FAN1: variants seen among roughly 807,000 people sequenced by gnomAD.
FAN1 encodes the protein fanconi-associated nuclease 1.
A neutral mutation model predicts 104.9 loss-of-function variants in FAN1; 91 were observed. The observed-to-expected ratio is 0.87, with a 90% CI of 0.73 to 1.03. The LOEUF is 1.03. Ranked by LOEUF, FAN1 falls within the 50% of genes least tolerant of loss-of-function variation. The pLI is 0.00. For missense variants in FAN1, 1,263 were observed against 1,239.9 expected (o/e 1.02, Z -0.28); for synonymous variants, 478 against 457.6 (o/e 1.04, Z -0.57).
rs80180524 is a variant in FAN1 at position 30,906,765 on chromosome 15, C to T, written c.1234+868C>T. Among the ~76,000 whole-genome samples, 775 of 152,288 alleles carry T rather than the reference C, an allele frequency of 5.1e-3. 6 individuals carry two copies. Among genetic ancestry groups the T allele is most frequent in the African/African-American group, 0.018 (735 of 41,552 alleles). ...CTTGGGTTACTTTTTAACATGTGAG[C>T]GATACTTCTCTGGGCACAGCTGTGT... On this transcript the variant is annotated intron_variant, in intron 2 of 14. Coordinates refer to ENST00000362065, the MANE Select transcript of FAN1 (RefSeq NM_014967.5).
At position 30,908,208 on chromosome 15, in the gene FAN1, A is replaced by T. The variant is rs75820658; in HGVS notation, c.1325A>T (p.Asp442Val). 3.7e-6 allele frequency: 6 copies of T among 1,610,760 alleles called. No homozygotes were observed. Among genetic ancestry groups the T allele is most frequent in the East Asian group, 4.5e-5 (2 of 44,806 alleles). ...TKLEYEEIAL[D>V]LTPVIEELTN... is the part of the protein sequence containing the mutation. ...TTAGAGTATGAAGAGATTGCCTTAG[A>T]CTTAACACCTGTGATTGAAGAATTG... is the stretch of plus-strand genomic sequence containing the variant. The change falls in exon 3 of 15, where the codon GAC (aspartate) becomes GTC (valine). Residue 442 changes from aspartate (D) to valine (V), a missense_variant. By Grantham distance (152) the Asp-to-Val change is radical. This residue lies in a region of FAN1 where 682 missense variants were observed against 571.1 expected (regional missense o/e 1.19). Transcript: ENST00000362065.
At chr15:30,940,687 A>G (rs1207458693) in intron 14 of FAN1, 2 of 987,546 alleles carry the variant, frequency 2.0e-6, no homozygotes, top group African/African-American at 1.7e-5. Context: ...TCAGAGGAAC[A>G]AGACTCTGGG....
At chr15:30,911,080 C>A in intron 4 of FAN1, 1 of 1,200,552 alleles carries the variant, frequency 8.3e-7, no homozygotes, top group Non-Finnish European at 1.0e-6. Context: ...TTTTATTTTC[C>A]GAGAAAAATA....
chr15:30,929,844 A>ATC (rs1491241782), intron 12 of FAN1, among the ~76,000 whole-genome samples: 1 of 79,530 alleles, frequency 1.3e-5, no homozygotes, highest in East Asian at 3.1e-4. Context: ...TATAATATAT[A>ATC]AAATATATAT....
intron 6 of FAN1, among the ~76,000 whole-genome samples, chr15:30,918,630 C>T (rs1301171917): frequency 6.6e-6 from 1 of 152,024 alleles, no homozygotes; most frequent in Non-Finnish European, 1.5e-5. Context: ...AGCAGCAGGA[C>T]GGATGTGGGA....
At position 30,942,458 on chromosome 15, in the gene FAN1, T is replaced by C. The variant is rs1316176434; in HGVS notation, c.*896T>C. 2 of 271,166 alleles carry C rather than the reference T, an allele frequency of 7.4e-6. No individual in the cohort carries two copies. Among genetic ancestry groups the C allele is most frequent in the African/African-American group, 2.2e-5 (1 of 45,204 alleles). The allele number at this position is 271,166 out of a possible 1,614,324, so 16.8% of individuals were successfully genotyped here. A position where few individuals can be genotyped will look rare whatever the true frequency, so the allele number is the denominator to read the frequency against. ...TGATTCTTTGTTCTGTACCTTTCAG[T>C]AGTCTGCAAATTTTCTACCAAAAAA... On this transcript the variant is annotated 3_prime_UTR_variant, in exon 15 of 15. Transcript: ENST00000362065.
At chr15:30,935,757 T>C (rs2062834979) in intron 13 of FAN1, among the ~76,000 whole-genome samples, 1 of 152,170 alleles carries the variant, frequency 6.6e-6, no homozygotes, top group South Asian at 2.1e-4. Context: ...GCAATGAATT[T>C]TATGTTGACA....
Position 30,927,911 on chromosome 15 carries a change from T to C in FAN1, c.2489-642T>C, listed in dbSNP as rs2062505925. On this transcript the variant is annotated intron_variant, in intron 10 of 14. Coordinates refer to ENST00000362065, the MANE Select transcript of FAN1 (RefSeq NM_014967.5). Reference sequence around the variant, plus strand: ...CACCTGACTTCTGTCTCTCAGGTCATCTCCCAGTCAGTAAAACATTTGTGT... The same window carrying C: ...CACCTGACTTCTGTCTCTCAGGTCACCTCCCAGTCAGTAAAACATTTGTGT... The C allele has an allele frequency of 1.9e-5, 19 of 985,594 alleles. No homozygotes were observed. The South Asian group carries it at 4.7e-4, about 24-fold the overall frequency. The allele number at this position is 985,594 out of a possible 1,614,324, so 61.1% of individuals were successfully genotyped here.
chr15:30,920,995 G>T (rs1477445685), intron 7 of FAN1, among the ~76,000 whole-genome samples: 1 of 152,172 alleles, frequency 6.6e-6, no homozygotes, highest in Non-Finnish European at 1.5e-5. Flanking sequence ...TGTTGCTCAG[G>T]CTGATCTCGA....
chr15:30,918,341 G>A, intron 6 of FAN1, 46 bp downstream of exon 6: 1 of 1,595,560 alleles, frequency 6.3e-7, no homozygotes, highest in Non-Finnish European at 8.6e-7. Context: ...CATTGACCAA[G>A]TTGTTCCCAA....
intron 10 of FAN1, chr15:30,927,415 T>C: frequency 1.0e-6 from 1 of 985,548 alleles, no homozygotes; most frequent in Non-Finnish European, 1.2e-6. Flanking sequence ...CGCTGTCCTT[T>C]TGAATCCCTG....
At chr15:30,911,596 A>T in intron 4 of FAN1, 1 of 953,198 alleles carries the variant, frequency 1.0e-6, no homozygotes, top group South Asian at 4.9e-5. Flanking sequence ...ATAGATTTTT[A>T]AAAAGTACTT....
chr15:30,928,642 A>G lies in FAN1; in HGVS notation c.2578A>G (p.Arg860Gly), dbSNP rs1490233739. The G allele has an allele frequency of 6.2e-7, 1 of 1,613,892 alleles. No individual in the cohort carries two copies. The highest frequency in any genetic ancestry group is 8.5e-7 in the Non-Finnish European group (1 of 1,179,970). The change falls in exon 11 of 15, where the codon AGA becomes GGA. Residue 860 changes from arginine (R) to glycine (G), a missense_variant. By Grantham distance (125) the Arg-to-Gly change is moderately radical (BLOSUM62 -2). Coordinates refer to ENST00000362065, the MANE Select transcript of FAN1 (RefSeq NM_014967.5). Reference protein sequence around the residue: ...IFMDGIPDVFRNACQAFPLDL... With the variant: ...IFMDGIPDVFGNACQAFPLDL... Reference sequence around the variant, plus strand: ...CATGGATGGGATTCCGGATGTCTTCAGAAACGCCTGTCAGGTACTCCAGTG... The same window carrying G: ...CATGGATGGGATTCCGGATGTCTTCGGAAACGCCTGTCAGGTACTCCAGTG...
chr15:30,925,978 G>C, intron 10 of FAN1, 39 bp downstream of exon 10: 1 of 1,608,468 alleles, frequency 6.2e-7, no homozygotes, highest in South Asian at 1.1e-5. Context: ...CCCAGCCCCG[G>C]GTGGACGAGC....
intron 5 of FAN1, among the ~76,000 whole-genome samples, chr15:30,914,967 G>A (rs2062171959): frequency 6.6e-6 from 1 of 152,136 alleles, no homozygotes; most frequent in African/African-American, 2.4e-5. Flanking sequence ...AATATCCAAA[G>A]GAAAAGAAAT....
In FAN1 at chr15:30,926,376, C is replaced by T. The variant is rs145866005; in HGVS notation, c.2488+437C>T. The stretch of plus-strand genomic sequence containing the variant: ...TTTCGGGAACAGCCACTGAGCCTTC[C>T]GCCCTTGGGCCTGGCAGGACTCTCC... On this transcript the variant is annotated intron_variant, in intron 10 of 14. Transcript: ENST00000362065. 573 of 160,992 alleles carry T rather than the reference C, an allele frequency of 3.6e-3. 1 individual carries two copies. The highest frequency in any genetic ancestry group is 0.022 in the Middle Eastern group (7 of 316). 10.0% of individuals were successfully genotyped at this position (160,992 alleles called of 1,614,324 possible).
intron 14 of FAN1, chr15:30,940,960 AATC>A (rs2063025989): frequency 9.1e-7 from 1 of 1,095,584 alleles, no homozygotes; most frequent in African/African-American, 1.7e-5. Context: ...GGTGATCTAA[AATC>A]ATAAATTCTG....
At position 30,941,996 on chromosome 15, in the gene FAN1, G is replaced by C. The variant is rs1394708349; in HGVS notation, c.*434G>C. On this transcript the variant is annotated 3_prime_UTR_variant, in exon 15 of 15. Coordinates refer to ENST00000362065, the MANE Select transcript of FAN1 (RefSeq NM_014967.5). ...TTTTAATATCAATGAATTTCTCCTTGGAAGTAATTCTTGGTCACTGATGAT... is the reference window on the plus strand; with the variant it reads ...TTTTAATATCAATGAATTTCTCCTTCGAAGTAATTCTTGGTCACTGATGAT... The C allele has an allele frequency of 1.2e-6, 2 of 1,613,940 alleles. No homozygotes were observed. Among genetic ancestry groups the C allele is most frequent in the South Asian group, 2.2e-5 (2 of 91,080 alleles).
rs899678412 is a variant in FAN1, at chr15:30,905,443, T to G, written c.780T>G (p.Asn260Lys). Residue 260 changes from asparagine to lysine, a missense_variant, in exon 2 of 15, where the codon AAT (asparagine) becomes AAG (lysine). Transcript: ENST00000362065. ...CCCTCACCCCTGGATTCTCAGATAA[T>G]GCGATCATGTTATTCTCACCAGATT... ...KSALTPGFSD[N>K]AIMLFSPDFT... 2 of 1,614,116 alleles carry G rather than the reference T, an allele frequency of 1.2e-6. No homozygotes were observed. Among genetic ancestry groups the G allele is most frequent in the Middle Eastern group, 1.7e-4 (1 of 6,060 alleles).
Sources: gnomAD v4.1 joint callset for allele counts (sites outside exome capture counted in the v4.1 genomes callset) on GRCh38, gnomAD v4.1.1 for gene constraint, gnomAD v4.1.1 regional missense constraint, MANE v1.5 for transcripts, NCBI Gene and HGNC (gene_info 2026-07-23, HGNC 2026-07-21) for gene names.